Variants in JAKMIP3 observed in about 807,000 individuals in gnomAD.
JAKMIP3 encodes janus kinase and microtubule-interacting protein 3.
A neutral mutation model predicts 118.5 loss-of-function variants in JAKMIP3; 58 were observed. The observed-to-expected ratio is 0.49, with a 90% CI of 0.40 to 0.61. The LOEUF is 0.61. Ranked by LOEUF, JAKMIP3 falls within the 20% of genes least tolerant of loss-of-function variation. The pLI is 0.00. For missense variants in JAKMIP3, 950 were observed against 1,109.0 expected, an observed-to-expected ratio of 0.86 and a Z score of 2.04; for synonymous variants, 486 against 451.2, an observed-to-expected ratio of 1.08 and a Z score of -0.98.
chr10:132,140,473 T>C lies in JAKMIP3; in HGVS notation c.1367T>C (p.Phe456Ser), dbSNP rs766445517. The C allele has an allele frequency of 3.7e-6, 6 of 1,613,700 alleles. No homozygotes were observed. The African/African-American group carries it at 4.0e-5, about 11-fold the overall frequency. ...AAGCCGGTGGTTGTGGAGACCTTCTTTGGATACGACGAAGAGGCTTCCCTG... is the reference window on the plus strand; with the variant it reads ...AAGCCGGTGGTTGTGGAGACCTTCTCTGGATACGACGAAGAGGCTTCCCTG... ...LPKPVVVETF[F>S]GYDEEASLES... The change falls in exon 10 of 24, where the codon TTT becomes TCT. Residue 456 changes from phenylalanine to serine, a missense_variant. Phe to Ser is a radical substitution (Grantham distance 155). Coordinates refer to ENST00000684848, the MANE Select transcript of JAKMIP3 (RefSeq NM_001323087.2).
Position 132,179,285 on chromosome 10 carries a change from G to A in JAKMIP3, c.*1104-3072G>A, listed in dbSNP as rs2060472859. ...CCCCAGCATCATGCACGGTCACGGGGCTGTATTTGTTGACGGGACTTTTGG... is the reference window on the plus strand; with the variant it reads ...CCCCAGCATCATGCACGGTCACGGGACTGTATTTGTTGACGGGACTTTTGG... On this transcript the variant is annotated intron_variant, in intron 23 of 23. Coordinates refer to ENST00000684848, the MANE Select transcript of JAKMIP3 (RefSeq NM_001323087.2). The surrounding 1 kb of genome is among the most constrained non-coding windows in gnomAD (Gnocchi z 4.3). 6.6e-6 allele frequency among the ~76,000 whole-genome samples: 1 copy of A among 152,188 alleles called. No homozygotes were observed. Among genetic ancestry groups the A allele is most frequent in the African/African-American group, 2.4e-5 (1 of 41,460 alleles).
chr10:132,180,648 T>TGC (rs1432755626), intron 23 of JAKMIP3, among the ~76,000 whole-genome samples: 1 of 25,134 alleles, frequency 4.0e-5, no homozygotes, highest in African/African-American at 1.8e-4. Flanking sequence ...CGTGTGTGCG[T>TGC]GTGCGTGTGC....
At chr10:132,159,514 GTGTGTCTTCCTGTGTGAT>G (rs2057617645) in intron 19 of JAKMIP3, among the ~76,000 whole-genome samples, 1 of 138,636 alleles carries the variant, frequency 7.2e-6, no homozygotes, top group Non-Finnish European at 1.5e-5. Flanking sequence ...GATGCTGGGG[GTGTGTCTTCCTGTGTGAT>G]GCTGGGAGGG....
chr10:132,052,650 G>A (rs1398424705), intron 1 of JAKMIP3, among the ~76,000 whole-genome samples: 1 of 152,134 alleles, frequency 6.6e-6, no homozygotes, highest in Admixed American at 6.5e-5. Flanking sequence ...CCTCTCATCT[G>A]TTGTCCAATC....
intron 22 of JAKMIP3, 68 bp from the exon 23 acceptor site, chr10:132,167,885 G>GA: frequency 1.3e-5 from 9 of 693,704 alleles, no homozygotes; most frequent in East Asian, 2.8e-4. Context: ...TCGCCCCTCG[G>GA]CCCTCGCCCC....
At chr10:132,064,104 G>T (rs143467018), upstream of JAKMIP3, among the ~76,000 whole-genome samples, 1 of 152,280 alleles carries the variant, frequency 6.6e-6, no homozygotes, top group Non-Finnish European at 1.5e-5. The surrounding 1 kb of genome is among the most constrained non-coding windows in gnomAD (Gnocchi z 4.4). Flanking sequence ...GTATTTGGAC[G>T]TATGTGCGTT....
rs2047021847 is a variant in JAKMIP3, at chr10:132,112,496, C to G, written c.136-4581C>G. Among the ~76,000 whole-genome samples, 1 of 152,168 alleles carries G rather than the reference C, an allele frequency of 6.6e-6. No homozygotes were observed. Among genetic ancestry groups the G allele is most frequent in the Non-Finnish European group, 1.5e-5 (1 of 68,026 alleles). ...CGGGCTGTTAGGTTTTAAGAAGGGT[C>G]TCTTTTCCTGGTTCCTTATTTTGTT... On this transcript the variant is annotated intron_variant, in intron 2 of 23. Transcript: ENST00000684848. This position sits in a 1 kb window ranked among gnomAD's most constrained non-coding sequence, Gnocchi z 4.3.
intron 3 of JAKMIP3, among the ~76,000 whole-genome samples, chr10:132,128,498 TCTC>T (rs1192176424): frequency 1.3e-5 from 2 of 152,180 alleles, no homozygotes; most frequent in African/African-American, 4.8e-5. Context: ...AAATATTACT[TCTC>T]CTCCTTTCTC....
At chr10:132,045,008 G>C (rs1451626228) in intron 1 of JAKMIP3, among the ~76,000 whole-genome samples, 1 of 152,098 alleles carries the variant, frequency 6.6e-6, no homozygotes, top group Non-Finnish European at 1.5e-5. Context: ...GGACACTGGG[G>C]GGCTCCATGT....
intron 1 of JAKMIP3, among the ~76,000 whole-genome samples, chr10:132,068,126 C>T (rs1159574388): frequency 2.9e-5 from 4 of 138,090 alleles, no homozygotes; most frequent in Non-Finnish European, 4.6e-5. Flanking sequence ...TGTGGGCTTC[C>T]GTGTGGACTG....
chr10:132,137,061 G>T lies in JAKMIP3; in HGVS notation c.1159G>T (p.Asp387Tyr). Residue 387 changes from aspartate (D) to tyrosine (Y), a missense_variant, in exon 7 of 24, where the codon GAC becomes TAC. Physicochemically the swap from Asp to Tyr is radical, Grantham distance 160. Coordinates refer to ENST00000684848, the MANE Select transcript of JAKMIP3 (RefSeq NM_001323087.2). ...GIIRRPSSLN[D>Y]LDQSQDEREV... ...CATACGGAGACCCAGTTCCTTGAAT[G>T]ACCTTGATCAAAGTCAGGATGAGAG... 6.2e-7 allele frequency: 1 copy of T among 1,613,952 alleles called. No homozygotes were observed. The highest frequency in any genetic ancestry group is 1.1e-5 in the South Asian group (1 of 91,084).
chr10:132,135,961 A>G lies in JAKMIP3; in HGVS notation c.1001A>G (p.Tyr334Cys). The G allele has an allele frequency of 6.2e-7, 1 of 1,613,462 alleles. No homozygotes were observed. Among genetic ancestry groups the G allele is most frequent in the Non-Finnish European group, 8.5e-7 (1 of 1,179,712 alleles). Residue 334 changes from tyrosine (Y) to cysteine (C), a missense_variant, in exon 6 of 24, where the codon TAC becomes TGC. Transcript: ENST00000684848. ...CGCGTAAGAGAAGCTGAGAGTCAGTACAAGCCTCTGCTGGATAAAAACAAG... is the reference window on the plus strand; with the variant it reads ...CGCGTAAGAGAAGCTGAGAGTCAGTGCAAGCCTCTGCTGGATAAAAACAAG... ...LKRVREAESQ[Y>C]KPLLDKNKRL...
In JAKMIP3 at chr10:132,085,982, GA is replaced by G. The variant is rs111633706; in HGVS notation, c.-137-18689del. 4.1e-3 allele frequency among the ~76,000 whole-genome samples: 631 copies of G among 152,172 alleles called. 3 individuals are homozygous for G. Among genetic ancestry groups the G allele is most frequent in the African/African-American group, 0.015 (603 of 41,516 alleles). ...ACCTTAGATTGTTTGTGCTCTTGCA[GA>G]TTTTTTGATGTAGGTGTTTAGGGCT... On this transcript the variant is annotated intron_variant, in intron 1 of 23. Coordinates refer to ENST00000684848, the MANE Select transcript of JAKMIP3 (RefSeq NM_001323087.2).
At chr10:132,154,054 C>T in intron 19 of JAKMIP3, 64 bp downstream of exon 19, 2 of 1,487,180 alleles carry the variant, frequency 1.3e-6, no homozygotes, top group Non-Finnish European at 1.9e-6. Flanking sequence ...CCACGTGGCT[C>T]AGGTGCCCAG....
In JAKMIP3 at chr10:132,183,075, CTG is replaced by C. The variant is rs2061613682; in HGVS notation, c.*1825_*1826del. 1 of 152,342 alleles carries C rather than the reference CTG, an allele frequency of 6.6e-6. No homozygotes were observed. Among genetic ancestry groups the C allele is most frequent in the South Asian group, 2.1e-4 (1 of 4,826 alleles). 9.4% of individuals were successfully genotyped at this position (152,342 alleles called of 1,614,324 possible). ...CGAGTCTGAAATCCTGTTTAGTCCT[CTG>C]TGCATAGTTTTGTCTCATTTTAACG... On this transcript the variant is annotated 3_prime_UTR_variant, in exon 24 of 24. Transcript: ENST00000684848.
intron 19 of JAKMIP3, among the ~76,000 whole-genome samples, chr10:132,159,700 C>G (rs1354945529): frequency 3.8e-5 from 4 of 104,870 alleles, no homozygotes; most frequent in Admixed American, 1.2e-4. Flanking sequence ...CTCAGGGGGC[C>G]TCTCCCTGTG....
chr10:132,180,672 TGTGCGCGCGC>T (rs1565020328), intron 23 of JAKMIP3, among the ~76,000 whole-genome samples: 1 of 31,042 alleles, frequency 3.2e-5, no homozygotes, highest in African/African-American at 1.2e-4. Flanking sequence ...TGTGCGTGTG[TGTGCGCGCGC>T]GTGTGTGTGC....
chr10:132,068,086 G>GTGGTCTGGACTGTGGGCTTCCGTGTGGAC (rs540894726), intron 1 of JAKMIP3, among the ~76,000 whole-genome samples: 7 of 123,400 alleles, frequency 5.7e-5, no homozygotes, highest in African/African-American at 1.5e-4. Context: ...GGGTTTCTGT[G>GTGGTCTGGACTGTGGGCTTCCGTGTGGAC]TGGACTGTGG....
chr10:132,149,417 G>A lies in JAKMIP3; in HGVS notation c.1854G>A (p.Arg618=), dbSNP rs1459055514. 1.9e-6 allele frequency: 3 copies of A among 1,598,454 alleles called. No homozygotes were observed. In the Admixed American group the frequency reaches 5.1e-5, roughly 27 times the overall value. Residue 618 remains arginine, a synonymous_variant, in exon 15 of 24, where the codon AGG becomes AGA. Coordinates refer to ENST00000684848, the MANE Select transcript of JAKMIP3 (RefSeq NM_001323087.2). Reference sequence around the variant, plus strand: ...CTTCTGTCCCTCTGTCCTAGGAGAGGGAGAGGAAGTCACCCGCCATCAGCT... The same window carrying A: ...CTTCTGTCCCTCTGTCCTAGGAGAGAGAGAGGAAGTCACCCGCCATCAGCT... The part of the protein sequence containing the change: ...LEFRILELEE[R]ERKSPAISFH...
Sources: allele counts gnomAD v4.1 joint callset (sites outside exome capture counted in the v4.1 genomes callset), GRCh38; gene constraint gnomAD v4.1.1; non-coding constraint Gnocchi (gnomAD v3.1); transcripts MANE v1.5; gene names NCBI Gene and HGNC (gene_info 2026-07-23, HGNC 2026-07-21).